Variants in USP54 observed in about 807,000 individuals in gnomAD.
USP54 encodes ubiquitin carboxyl-terminal hydrolase 54.
In USP54, 87 loss-of-function variants were observed where a neutral mutation model predicts 170.5. That is an observed-to-expected ratio of 0.51 (90% CI 0.43 to 0.61). USP54 has a LOEUF of 0.61. USP54 is among the 20% of genes least tolerant of loss of function. The probability of loss-of-function intolerance (pLI) is 0.00; values close to 1 mark genes in which losing one functional copy is unlikely to be tolerated. For synonymous variants in USP54, 655 were observed against 742.8 expected (o/e 0.88, Z 1.92); for missense variants, 1,786 against 2,047.8 (o/e 0.87, Z 2.47).
At chr10:73,557,549 G>A (rs1476022463) in intron 4 of USP54, among the ~76,000 whole-genome samples, 5 of 148,252 alleles carry the variant, frequency 3.4e-5, no homozygotes, top group African/African-American at 5.0e-5. Flanking sequence ...GCAGTGGCGC[G>A]ATCTCAGCTC....
At chr10:73,528,430 G>C (rs1413030611) in intron 15 of USP54, among the ~76,000 whole-genome samples, 1 of 150,166 alleles carries the variant, frequency 6.7e-6, no homozygotes, top group African/African-American at 2.5e-5. Context: ...TTTTGTTTTT[G>C]TATCTTTAGT....
intron 1 of USP54, among the ~76,000 whole-genome samples, chr10:73,612,816 G>C (rs1200880194): frequency 2.0e-5 from 3 of 147,372 alleles, no homozygotes; most frequent in Admixed American, 6.8e-5. Flanking sequence ...CTCCAGCCTG[G>C]GAGACAGAGT....
At chr10:73,574,464 C>T (rs932857316) in intron 3 of USP54, among the ~76,000 whole-genome samples, 1 of 152,112 alleles carries the variant, frequency 6.6e-6, no homozygotes. Context: ...AGAAAAGCAA[C>T]TAGGATAACA....
chr10:73,610,112 A>AGGCTGC, intron 1 of USP54, among the ~76,000 whole-genome samples: 1 of 152,204 alleles, frequency 6.6e-6, no homozygotes, highest in South Asian at 2.1e-4. Flanking sequence ...TGGGAGGCGG[A>AGGCTGC]GGCTGCAGTG....
intron 3 of USP54, 98 bp from the exon 4 acceptor site, chr10:73,571,611 A>T: frequency 1.2e-6 from 1 of 861,474 alleles, no homozygotes; most frequent in East Asian, 2.8e-5. Context: ...ACTGCAGAAG[A>T]TGTCTTTATT....
intron 1 of USP54, among the ~76,000 whole-genome samples, chr10:73,601,537 G>A (rs1589379591): frequency 6.6e-6 from 1 of 150,736 alleles, no homozygotes; most frequent in African/African-American, 2.4e-5. Context: ...CTCACCAAGT[G>A]CCTGAAGTGT....
chr10:73,583,745 T>G (rs755219889), intron 1 of USP54, among the ~76,000 whole-genome samples: 3 of 151,500 alleles, frequency 2.0e-5, no homozygotes, highest in Non-Finnish European at 4.4e-5. Flanking sequence ...CAAGACCCTG[T>G]CTTTAAAAAT....
intron 4 of USP54, among the ~76,000 whole-genome samples, chr10:73,549,325 T>C (rs530971060): frequency 3.7e-4 from 56 of 152,326 alleles, no homozygotes; most frequent in Middle Eastern, 3.4e-3. Context: ...AATTCCAAAT[T>C]TGTAGTTGGC....
In USP54 at chr10:73,505,347, C is replaced by G; in HGVS notation, c.4131G>C (p.Glu1377Asp). Residue 1377 changes from glutamate to aspartate, a missense_variant, in exon 21 of 24, where the codon GAG becomes GAC. This residue lies in a region of USP54 where 1,418 missense variants were observed against 1,569.0 expected (regional missense o/e 0.90). Coordinates refer to ENST00000687698, the MANE Select transcript of USP54 (RefSeq NM_001391956.1). Reference sequence around the variant, plus strand: ...CTGTTCTGGCTTCATGGAGACCATGCTCCATTTCTGCTGTTGAAGTCTTTG... The same window carrying G: ...CTGTTCTGGCTTCATGGAGACCATGGTCCATTTCTGCTGTTGAAGTCTTTG... ...GLSKTSTAEM[E>D]HGLHEARTVR... 6.2e-7 allele frequency: 1 copy of G among 1,613,528 alleles called. No individual in the cohort carries two copies. Among genetic ancestry groups the G allele is most frequent in the Non-Finnish European group, 8.5e-7 (1 of 1,179,446 alleles).
intron 1 of USP54, among the ~76,000 whole-genome samples, chr10:73,610,985 T>C (rs1173786643): frequency 2.0e-5 from 3 of 152,194 alleles, no homozygotes; most frequent in Admixed American, 1.3e-4. Context: ...ATAACAGCTT[T>C]TCCTTAAAAG....
At chr10:73,528,187 G>A (rs1015150381) in intron 15 of USP54, among the ~76,000 whole-genome samples, 3 of 151,914 alleles carry the variant, frequency 2.0e-5, no homozygotes, top group African/African-American at 7.3e-5. Flanking sequence ...ACCCAGCTCG[G>A]CCTCCCAAAG....
At chr10:73,544,975 G>T (rs2067441202) in intron 5 of USP54, among the ~76,000 whole-genome samples, 1 of 152,084 alleles carries the variant, frequency 6.6e-6, no homozygotes, top group African/African-American at 2.4e-5. Context: ...GCCTCCCAAA[G>T]TGCTGAGATT....
intron 18 of USP54, among the ~76,000 whole-genome samples, chr10:73,520,301 G>C (rs925892421): frequency 6.6e-6 from 1 of 152,206 alleles, no homozygotes. Flanking sequence ...CATCTGACCT[G>C]TCTGACTCTG....
At chr10:73,590,636 C>A (rs537346364) in intron 1 of USP54, among the ~76,000 whole-genome samples, 1 of 152,146 alleles carries the variant, frequency 6.6e-6, no homozygotes, top group African/African-American at 2.4e-5. Flanking sequence ...GGATCATAGG[C>A]CTCATGCCTC....
At chr10:73,593,871 G>A (rs2078497152), upstream of USP54, among the ~76,000 whole-genome samples, 1 of 152,096 alleles carries the variant, frequency 6.6e-6, no homozygotes, top group Admixed American at 6.5e-5. Flanking sequence ...TGCATTGAAA[G>A]AACATTTTGC....
intron 4 of USP54, among the ~76,000 whole-genome samples, chr10:73,565,905 G>A (rs2073662094): frequency 6.6e-6 from 1 of 152,154 alleles, no homozygotes; most frequent in South Asian, 2.1e-4. Context: ...TCATCTGGTA[G>A]AAGAGATCAC....
chr10:73,568,414 C>A (rs2133771302), intron 4 of USP54, among the ~76,000 whole-genome samples: 2 of 152,282 alleles, frequency 1.3e-5, no homozygotes, highest in Middle Eastern at 6.8e-3. Flanking sequence ...CTATTAAAAT[C>A]AAGTTCAGCT....
At chr10:73,614,620 G>A (rs1324888831) in intron 1 of USP54, among the ~76,000 whole-genome samples, 1 of 147,956 alleles carries the variant, frequency 6.8e-6, no homozygotes, top group African/African-American at 2.6e-5. Flanking sequence ...CACAAATGGT[G>A]GATATATGGC....
At chr10:73,501,785 C>T (rs1384126415) in intron 22 of USP54, among the ~76,000 whole-genome samples, 2 of 152,162 alleles carry the variant, frequency 1.3e-5, no homozygotes, top group African/African-American at 4.8e-5. Flanking sequence ...AAGCTCATTG[C>T]TACCTCAGAG....
Sources: allele counts gnomAD v4.1 joint callset (sites outside exome capture counted in the v4.1 genomes callset), GRCh38; gene constraint gnomAD v4.1.1; regional missense constraint gnomAD v4.1.1; transcripts MANE v1.5; gene names NCBI Gene and HGNC (gene_info 2026-07-23, HGNC 2026-07-21).